DLC1: variants seen among roughly 807,000 people sequenced by gnomAD.
DLC1 encodes the protein rho GTPase-activating protein 7.
DLC1 carries 54 observed loss-of-function variants against 140.3 expected under a neutral mutation model. The observed-to-expected ratio is 0.38, with a 90% CI of 0.31 to 0.48. DLC1 has a LOEUF of 0.48. Among genes scored for constraint, DLC1 ranks in the 20% least tolerant of loss-of-function variants. DLC1 has a pLI of 0.96. For synonymous variants in DLC1, 986 were observed against 728.1 expected (o/e 1.35, Z -5.70); for missense variants, 2,536 against 1,907.0 (o/e 1.33, Z -6.14).
chr8:13,157,723 C>A (rs969419351), intron 5 of DLC1, among the ~76,000 whole-genome samples: 9 of 152,176 alleles, frequency 5.9e-5, no homozygotes, highest in African/African-American at 2.2e-4. Flanking sequence ...TAATTAAATT[C>A]TATCTGAATG....
chr8:13,313,422 C>T (rs1312254006), intron 4 of DLC1, among the ~76,000 whole-genome samples: 3 of 152,206 alleles, frequency 2.0e-5, no homozygotes, highest in Non-Finnish European at 4.4e-5. Context: ...AGGTTTCTTA[C>T]TGCCACTAAT....
intron 4 of DLC1, chr8:13,339,653 C>T (rs1430069013): frequency 6.6e-6 from 1 of 152,122 alleles, no homozygotes; most frequent in East Asian, 1.9e-4. Context: ...ACAATCAGAA[C>T]CTCTAAAATT....
At chr8:13,354,572 G>C (rs1016780633) in intron 4 of DLC1, among the ~76,000 whole-genome samples, 1 of 152,084 alleles carries the variant, frequency 6.6e-6, no homozygotes, top group Admixed American at 6.6e-5. Flanking sequence ...CACGCATCAA[G>C]CTCATTAGCA....
At chr8:13,518,120 G>GTTTTTGTTTTTT (rs1249263650), upstream of DLC1, among the ~76,000 whole-genome samples, 4 of 151,756 alleles carry the variant, frequency 2.6e-5, no homozygotes, top group African/African-American at 9.7e-5. Context: ...TTTTGTTTTT[G>GTTTTTGTTTTTT]TTTTTGAGAC....
chr8:13,210,591 A>C (rs540605677), intron 5 of DLC1, among the ~76,000 whole-genome samples: 1 of 152,360 alleles, frequency 6.6e-6, no homozygotes, highest in East Asian at 1.9e-4. Context: ...TTCATTTACT[A>C]CATTAAATCA....
At chr8:13,494,558 C>T (rs933360594) in intron 2 of DLC1, among the ~76,000 whole-genome samples, 9 of 152,142 alleles carry the variant, frequency 5.9e-5, no homozygotes, top group Admixed American at 3.9e-4. Context: ...TATATTAGTT[C>T]AGAACTTCTT....
Position 13,120,356 on chromosome 8 carries a change from A to AAAAAAAATATATATATATATAT in DLC1, c.1349-4700_1349-4699insATATATATATATATATTTTTTT. On this transcript the variant is annotated intron_variant, in intron 5 of 17. Coordinates refer to ENST00000276297, the MANE Select transcript of DLC1 (RefSeq NM_182643.3). The stretch of plus-strand genomic sequence containing the variant: ...AGACTCCGTCGCAAAAAAAAAAAAA[A>AAAAAAAATATATATATATATAT]ATATATATATATATAAAATGTATAT... 1.2e-3 allele frequency among the ~76,000 whole-genome samples: 76 copies of AAAAAAAATATATATATATATAT among 61,100 alleles called. 3 individuals are homozygous for AAAAAAAATATATATATATATAT. Among genetic ancestry groups the AAAAAAAATATATATATATATAT allele is most frequent in the Non-Finnish European group, 1.8e-3 (48 of 26,588 alleles). The allele number at this position is 61,100 out of a possible 152,430, so 40.1% of individuals were successfully genotyped here.
chr8:13,333,024 C>G (rs980453265), intron 4 of DLC1, among the ~76,000 whole-genome samples: 1 of 151,992 alleles, frequency 6.6e-6, no homozygotes, highest in African/African-American at 2.4e-5. Context: ...TGTGGCAACA[C>G]TATGATTCTA....
intron 2 of DLC1, among the ~76,000 whole-genome samples, chr8:13,412,931 CAAAAAAAAA>C (rs771025112): frequency 1.1e-5 from 1 of 94,008 alleles, no homozygotes; most frequent in African/African-American, 4.7e-5. Flanking sequence ...GACTCCATCT[CAAAAAAAAA>C]AAAAAAAAAA....
At chr8:13,353,987 A>G (rs1291332626) in intron 4 of DLC1, among the ~76,000 whole-genome samples, 1 of 151,908 alleles carries the variant, frequency 6.6e-6, no homozygotes, top group Non-Finnish European at 1.5e-5. Flanking sequence ...CTGTGGGTCC[A>G]CTGACTTTCT....
chr8:13,111,624 C>T (rs1036735470), intron 6 of DLC1, among the ~76,000 whole-genome samples: 6 of 152,232 alleles, frequency 3.9e-5, no homozygotes, highest in African/African-American at 1.2e-4. Flanking sequence ...AAAAGGAGAG[C>T]GGAGGTAGCC....
intron 4 of DLC1, among the ~76,000 whole-genome samples, chr8:13,364,488 G>C (rs1835389074): frequency 6.6e-6 from 1 of 152,134 alleles, no homozygotes; most frequent in East Asian, 1.9e-4. Flanking sequence ...AGCAGAGACA[G>C]ATTTCTCCAT....
chr8:13,302,834 C>T (rs1042818371), intron 5 of DLC1, among the ~76,000 whole-genome samples: 4 of 151,188 alleles, frequency 2.6e-5, no homozygotes, highest in African/African-American at 2.4e-5. Context: ...CTCTGTCTAG[C>T]GGAAGCTTAC....
At chr8:13,599,553 C>G (rs1399789002) in intron 1 of DLC1, among the ~76,000 whole-genome samples, 1 of 151,826 alleles carries the variant, frequency 6.6e-6, no homozygotes. Context: ...AAGGCATGAA[C>G]AAAGAACAAA....
intron 5 of DLC1, among the ~76,000 whole-genome samples, chr8:13,165,811 G>C (rs537623435): frequency 6.6e-6 from 1 of 152,262 alleles, no homozygotes; most frequent in East Asian, 1.9e-4. Context: ...TAGCAGTAGG[G>C]TGAATGGCTT....
chr8:13,502,404 A>G (rs1375212976), intron 1 of DLC1, among the ~76,000 whole-genome samples: 1 of 152,150 alleles, frequency 6.6e-6, no homozygotes, highest in Non-Finnish European at 1.5e-5. Context: ...GATCATTATT[A>G]CATTTGGCAT....
At chr8:13,410,575 A>C (rs554096762) in intron 2 of DLC1, among the ~76,000 whole-genome samples, 6 of 152,012 alleles carry the variant, frequency 3.9e-5, no homozygotes, top group African/African-American at 1.2e-4. Context: ...AGGAGGAAAA[A>C]CCCCTCATAT....
chr8:13,366,642 G>C (rs899772469), intron 4 of DLC1, among the ~76,000 whole-genome samples: 2 of 152,174 alleles, frequency 1.3e-5, no homozygotes, highest in African/African-American at 2.4e-5. Flanking sequence ...TGCTTGGTTA[G>C]AGCAGATATA....
intron 2 of DLC1, among the ~76,000 whole-genome samples, chr8:13,413,641 G>A (rs1303638493): frequency 6.6e-6 from 1 of 151,930 alleles, no homozygotes; most frequent in Non-Finnish European, 1.5e-5. Context: ...CATGGAGGAG[G>A]TTCCCCCATG....
Sources: allele counts gnomAD v4.1 joint callset (sites outside exome capture counted in the v4.1 genomes callset), GRCh38; gene constraint gnomAD v4.1.1; transcripts MANE v1.5; gene names NCBI Gene and HGNC (gene_info 2026-07-23, HGNC 2026-07-21).